The following METTL21A variants were observed in gnomAD, a reference collection of about 807,000 sequenced individuals.
The protein encoded by METTL21A is protein N-lysine methyltransferase METTL21A.
METTL21A carries 22 observed loss-of-function variants against 20.9 expected under a neutral mutation model. The ratio of observed to expected loss-of-function variants is 1.05; its 90% CI spans 0.75 to 1.50. The LOEUF is 1.50. METTL21A is among the 40% of genes most tolerant of loss of function. The probability of loss-of-function intolerance (pLI) is 0.00; values close to 1 mark genes in which losing one functional copy is unlikely to be tolerated. For synonymous variants in METTL21A, 93 were observed against 102.0 expected, an observed-to-expected ratio of 0.91 and a Z score of 0.53; for missense variants, 271 against 266.8, an observed-to-expected ratio of 1.02 and a Z score of -0.11.
intron 3 of METTL21A, among the ~76,000 whole-genome samples, chr2:207,596,574 C>T (rs1447958721): frequency 6.6e-6 from 1 of 152,224 alleles, no homozygotes; most frequent in African/African-American, 2.4e-5. Flanking sequence ...GCTGGGACTA[C>T]AGGCATGTGC....
At chr2:207,617,478 G>C (rs2089924518) in intron 3 of METTL21A, among the ~76,000 whole-genome samples, 1 of 152,246 alleles carries the variant, frequency 6.6e-6, no homozygotes, top group South Asian at 2.1e-4. Context: ...ATCCAAGGCA[G>C]ATGGGACAGG....
chr2:207,601,333 T>C, intron 3 of METTL21A: 1 of 186,272 alleles, frequency 5.4e-6, no homozygotes, highest in East Asian at 8.7e-5. Context: ...CTTTTTAGTC[T>C]TTCTCCTCTC....
At chr2:207,614,701 G>C (rs190121016) in intron 3 of METTL21A, among the ~76,000 whole-genome samples, 1 of 152,130 alleles carries the variant, frequency 6.6e-6, no homozygotes, top group South Asian at 2.1e-4. Flanking sequence ...TTGACAAAAA[G>C]ATCCTTTTTT....
chr2:207,608,820 G>A (rs188907071), downstream of METTL21A, among the ~76,000 whole-genome samples: 3 of 152,258 alleles, frequency 2.0e-5, no homozygotes, highest in East Asian at 3.9e-4. Context: ...CCAGCTACTC[G>A]GGAGGCTGAG....
intron 3 of METTL21A, chr2:207,603,021 T>TC (rs2087358952): frequency 4.7e-6 from 1 of 214,140 alleles, no homozygotes. Context: ...AAAGAAGACT[T>TC]CCCCCACAAC....
chr2:207,598,981 T>C (rs1168939105), intron 3 of METTL21A: 2 of 185,754 alleles, frequency 1.1e-5, no homozygotes, highest in Non-Finnish European at 2.3e-5. Context: ...AATATGAAGA[T>C]TTAAGTGTTA....
At chr2:207,586,222 G>T (rs902126217) in intron 3 of METTL21A, among the ~76,000 whole-genome samples, 1 of 152,070 alleles carries the variant, frequency 6.6e-6, no homozygotes, top group African/African-American at 2.4e-5. Context: ...CCAAAACATA[G>T]TATTGATATA....
downstream of METTL21A, among the ~76,000 whole-genome samples, chr2:207,604,386 T>A (rs2106701448): frequency 6.6e-6 from 1 of 152,322 alleles, no homozygotes; most frequent in Middle Eastern, 3.4e-3. Context: ...ATCTCGTAAG[T>A]GGTGCCACTA....
intron 1 of METTL21A, 148 bp from the exon 2 acceptor site, chr2:207,624,552 T>A (rs995987249): frequency 1.6e-6 from 1 of 626,610 alleles, no homozygotes; most frequent in Non-Finnish European, 2.5e-6. Context: ...TTCTTTTGCA[T>A]GGCTCTTCCG....
chr2:207,619,812 C>T (rs931106484), intron 3 of METTL21A, among the ~76,000 whole-genome samples: 2 of 152,132 alleles, frequency 1.3e-5, no homozygotes, highest in Non-Finnish European at 2.9e-5. Context: ...TCGTGGAGCA[C>T]TTCCTTTGTG....
intron 3 of METTL21A, among the ~76,000 whole-genome samples, chr2:207,595,616 G>A (rs1448096799): frequency 6.6e-6 from 1 of 152,026 alleles, no homozygotes; most frequent in African/African-American, 2.4e-5. Context: ...AGGTTGGAAT[G>A]CAGGTGGCAG....
chr2:207,593,765 C>G (rs2085548984), intron 3 of METTL21A, among the ~76,000 whole-genome samples: 2 of 142,878 alleles, frequency 1.4e-5, no homozygotes, highest in Admixed American at 7.3e-5. Flanking sequence ...ATCACCCAGG[C>G]TGGAGTGCAG....
intron 3 of METTL21A, among the ~76,000 whole-genome samples, chr2:207,603,590 C>T (rs1206716731): frequency 6.6e-6 from 1 of 152,148 alleles, no homozygotes; most frequent in Non-Finnish European, 1.5e-5. Flanking sequence ...TCTTCAGTTA[C>T]TGGATCCCTA....
In METTL21A at chr2:207,621,929, C is replaced by G; in HGVS notation, c.148-12G>C. On this transcript the variant is annotated splice_polypyrimidine_tract_variant and intron_variant, in intron 2 of 3. Transcript: ENST00000406927. ...GAAAGAACGATGGCCTGAATGAAAA[C>G]ACAGTGTGATGACGATTAAGGTCAA... The G allele has an allele frequency of 6.2e-7, 1 of 1,610,946 alleles. No individual in the cohort carries two copies. The highest frequency in any genetic ancestry group is 8.5e-7 in the Non-Finnish European group (1 of 1,177,188).
At chr2:207,591,865 AT>A (rs1282025159) in intron 3 of METTL21A, among the ~76,000 whole-genome samples, 1 of 152,168 alleles carries the variant, frequency 6.6e-6, no homozygotes, top group Non-Finnish European at 1.5e-5. Context: ...TGCCTTTTAA[AT>A]GGTTTAGATC....
chr2:207,581,026 T>G (rs2082895306), downstream of METTL21A: 1 of 217,234 alleles, frequency 4.6e-6, no homozygotes, highest in African/African-American at 2.2e-5. Context: ...TGAAAAATTG[T>G]GAAAGTAATA....
intron 3 of METTL21A, chr2:207,620,798 G>GA: frequency 9.5e-7 from 1 of 1,056,216 alleles, no homozygotes; most frequent in Admixed American, 2.9e-5. Context: ...CAGCTAAGCA[G>GA]AAAAAGAAAT....
intron 3 of METTL21A, among the ~76,000 whole-genome samples, chr2:207,617,858 G>C (rs2089984722): frequency 6.6e-6 from 1 of 152,168 alleles, no homozygotes; most frequent in Non-Finnish European, 1.5e-5. Flanking sequence ...GGAATCAGTG[G>C]GACTCCAAGG....
chr2:207,588,412 A>G (rs762725726), intron 3 of METTL21A, among the ~76,000 whole-genome samples: 1 of 152,140 alleles, frequency 6.6e-6, no homozygotes, highest in Non-Finnish European at 1.5e-5. Flanking sequence ...CCTTTAGCCA[A>G]TACCATGTTG....
Sources: gnomAD v4.1 joint callset for allele counts (sites outside exome capture counted in the v4.1 genomes callset) on GRCh38, gnomAD v4.1.1 for gene constraint, MANE v1.5 for transcripts, NCBI Gene and HGNC (gene_info 2026-07-23, HGNC 2026-07-21) for gene names.